ARMC8: variants seen among roughly 807,000 people sequenced by gnomAD.
ARMC8 encodes the protein armadillo repeat-containing protein 8.
In ARMC8, 20 loss-of-function variants were observed where a neutral mutation model predicts 99.3. That is an observed-to-expected ratio of 0.20 (90% CI 0.14 to 0.29). ARMC8 has a LOEUF of 0.29. Among genes scored for constraint, ARMC8 ranks in the 10% least tolerant of loss-of-function variants. The pLI, the probability that ARMC8 is intolerant of heterozygous loss-of-function variation, is 1.00. For synonymous variants in ARMC8, 263 were observed against 278.3 expected, an observed-to-expected ratio of 0.95 and a Z score of 0.55; for missense variants, 569 against 809.5, an observed-to-expected ratio of 0.70 and a Z score of 3.60.
intron 5 of ARMC8, 88 bp downstream of exon 5, chr3:138,223,821 T>A: frequency 8.8e-7 from 1 of 1,136,770 alleles, no homozygotes; most frequent in Non-Finnish European, 1.3e-6. Flanking sequence ...TCATCATAAC[T>A]GTGTTATGTA....
chr3:138,223,209 T>C (rs548168963), intron 3 of ARMC8, among the ~76,000 whole-genome samples, 180 bp from the exon 4 acceptor site: 48 of 152,210 alleles, frequency 3.2e-4, no homozygotes, highest in Non-Finnish European at 5.6e-4. Flanking sequence ...TCAAAACCTC[T>C]TCTAGATTTT....
intron 3 of ARMC8, among the ~76,000 whole-genome samples, chr3:138,222,524 A>G (rs1239225072): frequency 2.6e-5 from 4 of 152,218 alleles, no homozygotes; most frequent in African/African-American, 9.6e-5. Flanking sequence ...GCAGGCAATG[A>G]CAGTTACATA....
intron 1 of ARMC8, among the ~76,000 whole-genome samples, chr3:138,191,840 C>T (rs2043402369): frequency 6.6e-6 from 1 of 152,102 alleles, no homozygotes; most frequent in African/African-American, 2.4e-5. Context: ...AGCAGTAGTT[C>T]CTTTTTATTG....
chr3:138,198,598 C>G (rs545125193), intron 1 of ARMC8, among the ~76,000 whole-genome samples: 1 of 151,892 alleles, frequency 6.6e-6, no homozygotes, highest in Non-Finnish European at 1.5e-5. Flanking sequence ...CTGCAACCTC[C>G]GCCTCCCGGG....
rs186220903 is a variant in ARMC8, at chr3:138,231,789, A to C, written c.528+2779A>C. 6.7e-3 allele frequency among the ~76,000 whole-genome samples: 871 copies of C among 129,240 alleles called. 11 individuals are homozygous for C. The highest frequency in any genetic ancestry group is 0.023 in the African/African-American group (840 of 36,528). 84.8% of individuals were successfully genotyped at this position (129,240 alleles called of 152,430 possible). On this transcript the variant is annotated intron_variant, in intron 6 of 21. Transcript: ENST00000469044. Reference sequence around the variant, plus strand: ...TGAGACCCCCCATCTCTGGGGGGGGAAAAAAAAAAGACCATGAGGACTTAG... The same window carrying C: ...TGAGACCCCCCATCTCTGGGGGGGGCAAAAAAAAAGACCATGAGGACTTAG...
chr3:138,263,914 A>T, intron 13 of ARMC8, 93 bp downstream of exon 13: 1 of 1,209,942 alleles, frequency 8.3e-7, no homozygotes, highest in Non-Finnish European at 1.2e-6. Flanking sequence ...CAGACTACAA[A>T]TGTTCCTCAA....
chr3:138,230,530 G>A (rs1305646614), intron 6 of ARMC8, among the ~76,000 whole-genome samples: 1 of 152,096 alleles, frequency 6.6e-6, no homozygotes, highest in Non-Finnish European at 1.5e-5. Context: ...GCGTGTGCCT[G>A]TAGTCCCAGC....
intron 12 of ARMC8, among the ~76,000 whole-genome samples, chr3:138,249,276 T>C (rs934246160): frequency 6.6e-6 from 1 of 152,080 alleles, no homozygotes; most frequent in Admixed American, 6.6e-5. Context: ...GGAGAAAATA[T>C]ACCTCTGGTC....
chr3:138,208,549 T>G (rs1413848833), intron 1 of ARMC8, among the ~76,000 whole-genome samples: 4 of 152,186 alleles, frequency 2.6e-5, no homozygotes, highest in East Asian at 3.9e-4. Context: ...TCCAGAGTTA[T>G]TTTTGGTGGC....
chr3:138,288,896 C>G, intron 19 of ARMC8, 152 bp from the exon 20 acceptor site: 2 of 593,694 alleles, frequency 3.4e-6, no homozygotes, highest in Middle Eastern at 4.5e-4. Flanking sequence ...CTTGGTCTCC[C>G]AAAGTGCTGG....
chr3:138,219,849 T>C (rs977270431), intron 2 of ARMC8, among the ~76,000 whole-genome samples: 1 of 152,180 alleles, frequency 6.6e-6, no homozygotes, highest in Non-Finnish European at 1.5e-5. Context: ...ATTAGAAAAT[T>C]GGTGTTGGAC....
At chr3:138,210,815 C>G (rs2044654643) in intron 2 of ARMC8, among the ~76,000 whole-genome samples, 1 of 151,906 alleles carries the variant, frequency 6.6e-6, no homozygotes, top group African/African-American at 2.4e-5. Flanking sequence ...CCTCTCTCCC[C>G]AAAGGCATTG....
chr3:138,187,496 C>G lies in ARMC8; in HGVS notation c.-59C>G. ...GTGCCTAGCGTTGGCCAATAGTTGGCTGTCGAAAGTGCCGGCCCCCGCGCC... is the reference window on the plus strand; with the variant it reads ...GTGCCTAGCGTTGGCCAATAGTTGGGTGTCGAAAGTGCCGGCCCCCGCGCC... On this transcript the variant is annotated 5_prime_UTR_variant, in exon 1 of 22. Coordinates refer to ENST00000469044, the MANE Select transcript of ARMC8 (RefSeq NM_001363941.2). The G allele has an allele frequency of 6.6e-7, 1 of 1,522,990 alleles. No homozygotes were observed. The highest frequency in any genetic ancestry group is 1.2e-5 in the South Asian group (1 of 83,716). The allele number at this position is 1,522,990 out of a possible 1,614,324, so 94.3% of individuals were successfully genotyped here.
chr3:138,230,020 T>A (rs1310839811), intron 6 of ARMC8, among the ~76,000 whole-genome samples: 2 of 152,198 alleles, frequency 1.3e-5, no homozygotes, highest in African/African-American at 4.8e-5. Flanking sequence ...TACATTGTAA[T>A]TTAGACATCT....
At position 138,267,213 on chromosome 3, in the gene ARMC8, T is replaced by A; in HGVS notation, c.1358T>A (p.Leu453His). The stretch of plus-strand genomic sequence containing the variant: ...GTAGCATCTTCCATGCTGTGTAATC[T>A]TCTTCTTGAATTTTCTCCAAGCAAA... The part of the protein sequence containing the change: ...LVVASSMLCN[L>H]LLEFSPSKEP... The change falls in exon 15 of 22, where the codon CTT becomes CAT. Residue 453 changes from leucine to histidine, a missense_variant. Coordinates refer to ENST00000469044, the MANE Select transcript of ARMC8 (RefSeq NM_001363941.2). 6.3e-7 allele frequency: 1 copy of A among 1,579,420 alleles called. No individual in the cohort carries two copies. Among genetic ancestry groups the A allele is most frequent in the Non-Finnish European group, 8.6e-7 (1 of 1,161,708 alleles).
At chr3:138,228,310 A>C (rs2045801780) in intron 5 of ARMC8, among the ~76,000 whole-genome samples, 1 of 152,288 alleles carries the variant, frequency 6.6e-6, no homozygotes, top group South Asian at 2.1e-4. Flanking sequence ...ATTCTTGGAG[A>C]GACTTGCAGC....
Position 138,229,002 on chromosome 3 carries a change from T to G in ARMC8, c.520T>G (p.Cys174Gly). ...QEYICQIFSH[C>G]CKGPDHQTIL... ...GTACATCTGTCAGATCTTCTCACACTGCTGTAAAGTAAGAACCAGAATAAA... is the reference window on the plus strand; with the variant it reads ...GTACATCTGTCAGATCTTCTCACACGGCTGTAAAGTAAGAACCAGAATAAA... The change falls in exon 6 of 22, where the codon TGC becomes GGC. Residue 174 changes from cysteine (C) to glycine (G), a missense_variant. By Grantham distance (159) the Cys-to-Gly change is radical (BLOSUM62 -3). Transcript: ENST00000469044. 1.2e-6 allele frequency: 2 copies of G among 1,605,976 alleles called. No individual in the cohort carries two copies. Among genetic ancestry groups the G allele is most frequent in the African/African-American group, 1.3e-5 (1 of 74,572 alleles).
intron 10 of ARMC8, among the ~76,000 whole-genome samples, chr3:138,241,566 C>T (rs2046625450): frequency 6.6e-6 from 1 of 152,028 alleles, no homozygotes; most frequent in Admixed American, 6.6e-5. Flanking sequence ...CTTTGACGTA[C>T]GAATAGAGTT....
At chr3:138,187,938 C>T (rs1264413908) in intron 1 of ARMC8, 2 of 369,564 alleles carry the variant, frequency 5.4e-6, no homozygotes, top group African/African-American at 4.2e-5. Context: ...AGCGATGCCG[C>T]TTCCCGGGGG....
Sources: gnomAD v4.1 joint callset for allele counts (sites outside exome capture counted in the v4.1 genomes callset) on GRCh38, gnomAD v4.1.1 for gene constraint, MANE v1.5 for transcripts, NCBI Gene and HGNC (gene_info 2026-07-23, HGNC 2026-07-21) for gene names.